SMG5: variants seen among roughly 807,000 people sequenced by gnomAD.
The protein encoded by SMG5 is nonsense-mediated mRNA decay factor SMG5.
A neutral mutation model predicts 122.9 loss-of-function variants in SMG5; 53 were observed. The ratio of observed to expected loss-of-function variants is 0.43; its 90% CI spans 0.35 to 0.54. The LOEUF (loss-of-function observed/expected upper bound fraction) is 0.54. Ranked by LOEUF, SMG5 falls within the 20% of genes least tolerant of loss-of-function variation. The pLI is 0.01. For synonymous variants in SMG5, 477 were observed against 490.2 expected (o/e 0.97, Z 0.35); for missense variants, 1,153 against 1,285.6 (o/e 0.90, Z 1.58).
chr1:156,268,122 T>C lies in SMG5; in HGVS notation c.901A>G (p.Lys301Glu), dbSNP rs748185859. 8.7e-6 allele frequency: 14 copies of C among 1,614,152 alleles called. No individual in the cohort carries two copies. The South Asian group carries it at 1.5e-4, about 18-fold the overall frequency. ...ATGCTCTCTTCCACTCACCTGCTTT[T>C]GGGCTGTAGGAGGCTTTGCAGATAC... ...FMYLQSLLQP[K>E]SSSVDSELTS... Residue 301 changes from lysine (K) to glutamate (E), a missense_variant, in exon 9 of 22, where the codon AAA becomes GAA. By Grantham distance (56) the Lys-to-Glu change is moderately conservative. Around this residue, in one of 5 missense-constraint regions of SMG5, gnomAD observed 631 missense variants for 650.6 expected, o/e 0.97. Coordinates refer to ENST00000361813, the MANE Select transcript of SMG5 (RefSeq NM_015327.3).
chr1:156,291,311 C>A, the SMG5 span: 1 of 1,409,410 alleles, frequency 7.1e-7, no homozygotes. Context: ...TCTACTCCCC[C>A]CACCGTCAGC....
upstream of SMG5, among the ~76,000 whole-genome samples, chr1:156,283,990 G>C (rs1443911117): frequency 6.6e-6 from 1 of 152,164 alleles, no homozygotes; most frequent in African/African-American, 2.4e-5. Flanking sequence ...GCTAATAATT[G>C]GTGTCCAGTA....
At chr1:156,268,023 A>C (rs966404877) in intron 9 of SMG5, 92 bp downstream of exon 9, 9 of 1,318,950 alleles carry the variant, frequency 6.8e-6, no homozygotes, top group Non-Finnish European at 9.6e-6. Context: ...TGAGGGCAGA[A>C]CTCGACAGTC....
rs372687464 is a variant in SMG5, at chr1:156,273,342, C to G, written c.634+19G>C. On this transcript the variant is annotated intron_variant, in intron 6 of 21. Transcript: ENST00000361813. ...GAAAACCCTACTGGATTCAGAGGCC[C>G]AAGTTGGGGACAACTTACCAATCTG... 5 of 1,607,978 alleles carry G rather than the reference C, an allele frequency of 3.1e-6. No individual in the cohort carries two copies. The South Asian group carries it at 3.3e-5, about 11-fold the overall frequency.
At chr1:156,255,928 C>G (rs1661558759) in intron 16 of SMG5, among the ~76,000 whole-genome samples, 1 of 152,042 alleles carries the variant, frequency 6.6e-6, no homozygotes, top group Non-Finnish European at 1.5e-5. Context: ...AATTCTCATT[C>G]TCATCATGAG....
rs769289830 is a variant in SMG5 at position 156,250,655 on chromosome 1, C to T, written c.2983G>A (p.Ala995Thr). 25 of 1,613,954 alleles carry T rather than the reference C, an allele frequency of 1.5e-5. No homozygotes were observed. The highest frequency in any genetic ancestry group is 1.1e-4 in the East Asian group (5 of 44,894). Reference protein sequence around the residue: ...SGPMQAALQAAAHASVDIKNV... With the variant: ...SGPMQAALQATAHASVDIKNV... ...TTGATGTCCACACTGGCGTGGGCAG[C>T]GGCCTGCAGGGCTGCCTGTGGAATG... is the stretch of plus-strand genomic sequence containing the variant. Residue 995 changes from alanine to threonine, a missense_variant, in exon 22 of 22, where the codon GCT (alanine) becomes ACT (threonine). By Grantham distance (58) the Ala-to-Thr change is moderately conservative (BLOSUM62 0). Around this residue, in one of 5 missense-constraint regions of SMG5, gnomAD observed 84 missense variants for 82.3 expected, o/e 1.02. Coordinates refer to ENST00000361813, the MANE Select transcript of SMG5 (RefSeq NM_015327.3).
chr1:156,285,769 G>A (rs140033065), upstream of SMG5: 5,140 of 1,613,292 alleles, frequency 3.2e-3, 8 homozygotes, highest in Non-Finnish European at 3.8e-3. Flanking sequence ...TGGTGAGGCC[G>A]CCTGGCTGTT....
intron 16 of SMG5, among the ~76,000 whole-genome samples, chr1:156,255,136 T>C (rs953663857): frequency 2.0e-5 from 3 of 151,350 alleles, no homozygotes; most frequent in Admixed American, 6.6e-5. Context: ...AATATTAATC[T>C]TGGGGCCAGG....
chr1:156,287,737 C>G (rs1663209878), upstream of SMG5, among the ~76,000 whole-genome samples: 1 of 151,664 alleles, frequency 6.6e-6, no homozygotes, highest in Non-Finnish European at 1.5e-5. Context: ...CTGCCTCAGC[C>G]TCCCGCGTAG....
chr1:156,250,834 C>T lies in SMG5; in HGVS notation c.2967+24G>A, dbSNP rs761949345. On this transcript the variant is annotated intron_variant, in intron 21 of 21. Transcript: ENST00000361813. ...GTACCTCGTCCCTATTCCACACCAT[C>T]CCCCCACCTCACCCATGACCCACCT... 12 of 1,612,448 alleles carry T rather than the reference C, an allele frequency of 7.4e-6. No homozygotes were observed. In the East Asian group the frequency reaches 2.7e-4, roughly 36 times the overall value.
At chr1:156,281,328 C>T (rs193089510) in intron 1 of SMG5, among the ~76,000 whole-genome samples, 8 of 152,268 alleles carry the variant, frequency 5.3e-5, no homozygotes, top group Non-Finnish European at 1.2e-4. Flanking sequence ...CAGAGCCATC[C>T]CCAAAAGCTG....
At chr1:156,278,135 A>C (rs1572599812) in intron 2 of SMG5, 87 bp from the exon 3 acceptor site, 2 of 1,496,562 alleles carry the variant, frequency 1.3e-6, no homozygotes, top group Non-Finnish European at 9.0e-7. Flanking sequence ...ATGTGCCAAC[A>C]CCCCCACCAA....
upstream of SMG5, among the ~76,000 whole-genome samples, chr1:156,286,847 G>T (rs2101589162): frequency 6.6e-6 from 1 of 152,352 alleles, no homozygotes; most frequent in South Asian, 2.1e-4. Flanking sequence ...GACAAGGCTG[G>T]GTGCAGTGGC....
At chr1:156,257,509 G>A (rs180720963) in intron 16 of SMG5, among the ~76,000 whole-genome samples, 16 of 152,142 alleles carry the variant, frequency 1.1e-4, no homozygotes, top group African/African-American at 1.7e-4. Context: ...CCTACCCCCC[G>A]ACAGGAAGAG....
chr1:156,270,859 TAGC>T (rs1172661127), intron 7 of SMG5, among the ~76,000 whole-genome samples: 1 of 151,874 alleles, frequency 6.6e-6, no homozygotes, highest in African/African-American at 2.4e-5. Context: ...AATACAAAAT[TAGC>T]CAGGCGTTGT....
intron 5 of SMG5, among the ~76,000 whole-genome samples, chr1:156,273,718 C>CTTTTTTTTTTTTTTTTTTT (rs748042052): frequency 2.2e-4 from 26 of 116,316 alleles, no homozygotes; most frequent in Non-Finnish European, 2.8e-4. Flanking sequence ...GTTTTGTTTT[C>CTTTTTTTTTTTTTTTTTTT]TTTTTTTTTT....
the SMG5 span, among the ~76,000 whole-genome samples, chr1:156,288,416 ACT>A: frequency 2.6e-5 from 4 of 151,392 alleles, no homozygotes; most frequent in Non-Finnish European, 4.4e-5. Context: ...GCTCACTACA[ACT>A]TCTGTCTCCA....
chr1:156,277,695 A>G (rs538107881), intron 3 of SMG5, among the ~76,000 whole-genome samples: 1 of 151,872 alleles, frequency 6.6e-6, no homozygotes, highest in South Asian at 2.1e-4. Flanking sequence ...TATTTCTAGT[A>G]GAGATGGGGT....
chr1:156,254,562 G>A (rs1185243606), intron 16 of SMG5, among the ~76,000 whole-genome samples: 1 of 152,082 alleles, frequency 6.6e-6, no homozygotes, highest in East Asian at 1.9e-4. Flanking sequence ...TCCTGCCTCA[G>A]CCCCCCAACT....
Sources: allele counts gnomAD v4.1 joint callset (sites outside exome capture counted in the v4.1 genomes callset), GRCh38; gene constraint gnomAD v4.1.1; regional missense constraint gnomAD v4.1.1; transcripts MANE v1.5; gene names NCBI Gene and HGNC (gene_info 2026-07-23, HGNC 2026-07-21).